ZNF566: variants seen among roughly 807,000 people sequenced by gnomAD.
ZNF566 encodes zinc finger protein 566.
A neutral mutation model predicts 32.8 loss-of-function variants in ZNF566; 27 were observed. The observed-to-expected ratio is 0.82, with a 90% CI of 0.61 to 1.14. The LOEUF (loss-of-function observed/expected upper bound fraction) is 1.14, where lower values mean the gene tolerates loss of function less well. Among genes scored for constraint, ZNF566 ranks in the 50% most tolerant of loss-of-function variants. ZNF566 has a pLI of 0.00. For synonymous variants in ZNF566, 154 were observed against 159.5 expected (o/e 0.97, Z 0.26); for missense variants, 402 against 490.4 (o/e 0.82, Z 1.70).
intron 4 of ZNF566, 65 bp downstream of exon 4, chr19:36,472,846 T>G: frequency 7.6e-7 from 1 of 1,307,396 alleles, no homozygotes; most frequent in South Asian, 1.3e-5. Flanking sequence ...GTTTCCCAGA[T>G]AGCATCTAAA....
intron 1 of ZNF566, among the ~76,000 whole-genome samples, 173 bp from the exon 2 acceptor site, chr19:36,476,789 C>T (rs1219232185): frequency 6.6e-6 from 1 of 152,066 alleles, no homozygotes; most frequent in Non-Finnish European, 1.5e-5. Context: ...GTAACTGGAG[C>T]AGGATGGATT....
chr19:36,456,025 C>T (rs1232399169), intron 4 of ZNF566, among the ~76,000 whole-genome samples: 1 of 150,118 alleles, frequency 6.7e-6, no homozygotes, highest in African/African-American at 2.5e-5. Context: ...GGTGACAGAG[C>T]GAGACTCCAT....
At chr19:36,484,527 A>G (rs974129828) in intron 1 of ZNF566, among the ~76,000 whole-genome samples, 3 of 151,964 alleles carry the variant, frequency 2.0e-5, no homozygotes, top group African/African-American at 4.8e-5. Context: ...AAAATTATCA[A>G]TGAATGTTAA....
chr19:36,485,490 G>A (rs1484064827), intron 1 of ZNF566, among the ~76,000 whole-genome samples: 2 of 150,086 alleles, frequency 1.3e-5, no homozygotes, highest in South Asian at 2.1e-4. Context: ...TGCTGGGCGC[G>A]GTAGCTCATG....
intron 1 of ZNF566, among the ~76,000 whole-genome samples, chr19:36,480,445 C>T (rs956487359): frequency 9.9e-5 from 15 of 151,382 alleles, no homozygotes; most frequent in East Asian, 3.9e-4. Flanking sequence ...CCACCACACC[C>T]GGCTAATTTT....
intron 4 of ZNF566, among the ~76,000 whole-genome samples, chr19:36,463,254 G>C (rs2033522950): frequency 6.6e-6 from 1 of 151,980 alleles, no homozygotes; most frequent in African/African-American, 2.4e-5. Flanking sequence ...AGTGAGCTGT[G>C]GGTTCACCAC....
At chr19:36,471,183 C>T (rs532412877) in intron 4 of ZNF566, among the ~76,000 whole-genome samples, 110 of 148,832 alleles carry the variant, frequency 7.4e-4, no homozygotes, top group African/African-American at 2.7e-3. Flanking sequence ...CACTGCACTC[C>T]AGCTTGGGCG....
chr19:36,485,337 G>A (rs2034133914), intron 1 of ZNF566, among the ~76,000 whole-genome samples: 1 of 151,262 alleles, frequency 6.6e-6, no homozygotes, highest in Admixed American at 6.6e-5. Context: ...AGCTACTCAG[G>A]GGCTGAGGTG....
Position 36,449,986 on chromosome 19 carries a change from C to G in ZNF566, c.248G>C (p.Cys83Ser). Residue 83 changes from cysteine to serine, a missense_variant, in exon 5 of 5, where the codon TGT becomes TCT. This residue lies in a region of ZNF566 where 220 missense variants were observed against 241.9 expected (regional missense o/e 0.91). Transcript: ENST00000452939. ...CTTCAGAAATAATTTCTTGGTCTCA[C>G]ATCTTGATTCCAGGACTGAAAGAAA... ...RGQWPVLESR[C>S]ETKKLFLKKE... is the part of the protein sequence containing the mutation. 1.2e-6 allele frequency: 2 copies of G among 1,605,894 alleles called. No individual in the cohort carries two copies. The highest frequency in any genetic ancestry group is 1.7e-6 in the Non-Finnish European group (2 of 1,177,406).
rs562801122 is a variant in ZNF566, at chr19:36,484,368, C to G, written c.-60+5118G>C. Among the ~76,000 whole-genome samples, 19 of 152,224 alleles carry G rather than the reference C, an allele frequency of 1.2e-4. No individual in the cohort carries two copies. The East Asian group carries it at 3.7e-3, about 29-fold the overall frequency. The stretch of plus-strand genomic sequence containing the variant: ...GGACTCAAATATAGAAGTACAAAGT[C>G]CTTCTCAGGCCACATTTAGTTCACT... On this transcript the variant is annotated intron_variant, in intron 1 of 4. Transcript: ENST00000452939.
rs1449954096 is a variant in ZNF566 at position 36,476,608 on chromosome 19, A to C, written c.-51T>G. 6.2e-7 allele frequency: 1 copy of C among 1,612,266 alleles called. No homozygotes were observed. Among genetic ancestry groups the C allele is most frequent in the African/African-American group, 1.3e-5 (1 of 74,874 alleles). On this transcript the variant is annotated 5_prime_UTR_variant, in exon 2 of 5. Coordinates refer to ENST00000452939, the MANE Select transcript of ZNF566 (RefSeq NM_001145344.1). ...CTTCTCTTGGCTCTTCTTTTGGAGA[A>C]GGGTAGAGCTGGGAGAGGCAAAAGA...
In ZNF566 at chr19:36,448,334, C is replaced by A. The variant is rs1229233022; in HGVS notation, c.*643G>T. The A allele has an allele frequency of 2.0e-5, 3 of 152,040 alleles. No homozygotes were observed. Among genetic ancestry groups the A allele is most frequent in the Non-Finnish European group, 2.9e-5 (2 of 67,988 alleles). The allele number at this position is 152,040 out of a possible 1,614,324, so 9.4% of individuals were successfully genotyped here. ...TATCTAGAGGAGACTACGATATCCA[C>A]CAATAGGATTTCATAAGTGATATTA... On this transcript the variant is annotated 3_prime_UTR_variant, in exon 5 of 5. Coordinates refer to ENST00000452939, the MANE Select transcript of ZNF566 (RefSeq NM_001145344.1).
At chr19:36,473,028 A>G (rs1027328977) in intron 3 of ZNF566, 22 bp from the exon 4 acceptor site, 1 of 1,594,260 alleles carries the variant, frequency 6.3e-7, no homozygotes, top group Non-Finnish European at 8.6e-7. Context: ...AGAAGTAACA[A>G]AACAAATTTA....
At chr19:36,452,526 G>T (rs1182160174) in intron 4 of ZNF566, among the ~76,000 whole-genome samples, 1 of 149,382 alleles carries the variant, frequency 6.7e-6, no homozygotes, top group Non-Finnish European at 1.5e-5. Context: ...ATTAAGTAGG[G>T]AAGATAGTTT....
chr19:36,467,966 A>C (rs1267720308), intron 4 of ZNF566, among the ~76,000 whole-genome samples: 2 of 151,566 alleles, frequency 1.3e-5, no homozygotes, highest in Non-Finnish European at 2.9e-5. Context: ...CAGGCCGATC[A>C]CCTGAGGTCA....
chr19:36,473,159 T>A (rs1440556492), intron 3 of ZNF566, 153 bp from the exon 4 acceptor site: 1 of 1,055,412 alleles, frequency 9.5e-7, no homozygotes, highest in Non-Finnish European at 1.4e-6. Flanking sequence ...ATGTAAAACA[T>A]CCCCAAAAAC....
At position 36,447,758 on chromosome 19, in the gene ZNF566, C is replaced by A. The variant is rs530053945; in HGVS notation, c.*1219G>T. On this transcript the variant is annotated 3_prime_UTR_variant, in exon 5 of 5. Coordinates refer to ENST00000452939, the MANE Select transcript of ZNF566 (RefSeq NM_001145344.1). ...CACACATTATTCACAGTACTTTCCC[C>A]CCCAACACCTAGGATTATTTCATGT... 1.2e-3 allele frequency: 187 copies of A among 152,166 alleles called. No homozygotes were observed. Among genetic ancestry groups the A allele is most frequent in the African/African-American group, 4.4e-3 (183 of 41,520 alleles). The allele number at this position is 152,166 out of a possible 1,614,324, so 9.4% of individuals were successfully genotyped here.
chr19:36,475,776 AG>A (rs1402989019), intron 2 of ZNF566, among the ~76,000 whole-genome samples: 1 of 152,122 alleles, frequency 6.6e-6, no homozygotes, highest in African/African-American at 2.4e-5. Context: ...TTTTCCTGAC[AG>A]GGGACCCTGG....
In ZNF566 at chr19:36,445,382, A is replaced by C. The variant is rs1287789768; in HGVS notation, c.*3595T>G. The stretch of plus-strand genomic sequence containing the variant: ...CTGACATCCTGCATTAGATCGTATA[A>C]TCAATTCCTGATGTATTAAAATATT... On this transcript the variant is annotated 3_prime_UTR_variant, in exon 5 of 5. Coordinates refer to ENST00000452939, the MANE Select transcript of ZNF566 (RefSeq NM_001145344.1). 1 of 152,218 alleles carries C rather than the reference A, an allele frequency of 6.6e-6. No individual in the cohort carries two copies. The highest frequency in any genetic ancestry group is 1.5e-5 in the Non-Finnish European group (1 of 68,038). The allele number at this position is 152,218 out of a possible 1,614,324, so 9.4% of individuals were successfully genotyped here. A position where few individuals can be genotyped will look rare whatever the true frequency, so the allele number is the denominator to read the frequency against.
Sources: gnomAD v4.1 joint callset for allele counts (sites outside exome capture counted in the v4.1 genomes callset) on GRCh38, gnomAD v4.1.1 for gene constraint, gnomAD v4.1.1 regional missense constraint, MANE v1.5 for transcripts, NCBI Gene and HGNC (gene_info 2026-07-23, HGNC 2026-07-21) for gene names.